The following RNF144A variants were observed in gnomAD, a reference collection of about 807,000 sequenced individuals.
The protein encoded by RNF144A is ring finger protein 144A, also known as E3 ubiquitin-protein ligase RNF144A.
Under a neutral mutation model 38.7 loss-of-function variants are expected in RNF144A, and 11 were observed. That is an observed-to-expected ratio of 0.28 (90% confidence interval 0.18 to 0.47). The LOEUF (loss-of-function observed/expected upper bound fraction) is 0.47. Among genes scored for constraint, RNF144A ranks in the 20% least tolerant of loss-of-function variants. The pLI, the probability that RNF144A is intolerant of heterozygous loss-of-function variation, is 0.99. For missense variants in RNF144A, 316 were observed against 377.2 expected (o/e 0.84, Z 1.34); for synonymous variants, 149 against 143.9 (o/e 1.04, Z -0.25).
chr2:6,938,465 C>T (rs1255473662), intron 1 of RNF144A, among the ~76,000 whole-genome samples: 1 of 152,114 alleles, frequency 6.6e-6, no homozygotes, highest in African/African-American at 2.4e-5. Context: ...CCAGGCTGGT[C>T]TCAAACTCCT....
At chr2:6,988,244 C>T (rs527577895) in intron 2 of RNF144A, among the ~76,000 whole-genome samples, 3 of 152,204 alleles carry the variant, frequency 2.0e-5, no homozygotes, top group Non-Finnish European at 4.4e-5. Flanking sequence ...CTCCTGTTAA[C>T]GTCTTGCGTT....
At chr2:6,997,538 G>A (rs1054295447) in intron 3 of RNF144A, among the ~76,000 whole-genome samples, 24 of 152,168 alleles carry the variant, frequency 1.6e-4, no homozygotes, top group African/African-American at 5.3e-4. Context: ...TTGTTATGAT[G>A]TAGCCAACAT....
At chr2:7,073,010 A>G (rs7577460), downstream of RNF144A, among the ~76,000 whole-genome samples, 36,691 of 151,886 alleles carry the variant, frequency 0.24, 5,323 homozygotes, top group East Asian at 0.48. Flanking sequence ...TGTCCCATAC[A>G]TACCATGAGA....
intron 2 of RNF144A, among the ~76,000 whole-genome samples, chr2:6,967,542 A>T (rs1667747166): frequency 6.6e-6 from 1 of 152,308 alleles, no homozygotes; most frequent in South Asian, 2.1e-4. Context: ...TGGGAGACAG[A>T]GTTGGTAGAT....
intron 3 of RNF144A, 117 bp from the exon 4 acceptor site, chr2:7,014,337 G>A (rs377334130): frequency 2.6e-5 from 20 of 762,684 alleles, no homozygotes; most frequent in East Asian, 4.9e-5. Flanking sequence ...GGACTACACA[G>A]TGAAAATATT....
intron 2 of RNF144A, among the ~76,000 whole-genome samples, chr2:6,956,333 C>T (rs914681119): frequency 6.6e-6 from 1 of 152,092 alleles, no homozygotes; most frequent in African/African-American, 2.4e-5. Flanking sequence ...GTACCCATGG[C>T]GTGTACCTGA....
chr2:6,980,611 G>A (rs1225438566), intron 2 of RNF144A, among the ~76,000 whole-genome samples: 1 of 152,258 alleles, frequency 6.6e-6, no homozygotes, highest in African/African-American at 2.4e-5. Context: ...TGGCTCTGTA[G>A]GGTACAGCCG....
In RNF144A at chr2:7,041,933, A is replaced by G. The variant is rs1220541299; in HGVS notation, c.*2173A>G. The G allele has an allele frequency of 8.1e-6, 8 of 985,272 alleles. No individual in the cohort carries two copies. In the African/African-American group the frequency reaches 1.4e-4, roughly 17 times the overall value. 61.0% of individuals were successfully genotyped at this position (985,272 alleles called of 1,614,324 possible). A position where few individuals can be genotyped will look rare whatever the true frequency, so the allele number is the denominator to read the frequency against. On this transcript the variant is annotated 3_prime_UTR_variant, in exon 9 of 9. Coordinates refer to ENST00000320892, the MANE Select transcript of RNF144A (RefSeq NM_014746.6). ...AAGAGTCTCTGGCCCAGTCATGCAC[A>G]TCTGTAGCCCCAGCCATCCTTGTGC...
chr2:7,029,328 C>A (rs534835807), intron 7 of RNF144A, among the ~76,000 whole-genome samples: 1 of 152,298 alleles, frequency 6.6e-6, no homozygotes, highest in South Asian at 2.1e-4. Context: ...ATTCCCCTCA[C>A]GCCAGTGGGT....
chr2:6,940,956 TA>T lies in RNF144A; in HGVS notation c.-202del, dbSNP rs1665933615. The T allele has an allele frequency of 6.6e-6, 1 of 152,442 alleles. No homozygotes were observed. Among genetic ancestry groups the T allele is most frequent in the Non-Finnish European group, 1.5e-5 (1 of 68,258 alleles). 9.4% of individuals were successfully genotyped at this position (152,442 alleles called of 1,614,324 possible). ...CTTCTCTTGTTTCTTAGGCATCCAG[TA>T]CCCTGCTGACTCTGACATGCCCCCA... On this transcript the variant is annotated 5_prime_UTR_variant, in exon 2 of 9. Transcript: ENST00000320892.
chr2:6,956,658 A>G (rs2103322639), intron 2 of RNF144A, among the ~76,000 whole-genome samples: 1 of 152,234 alleles, frequency 6.6e-6, no homozygotes, highest in East Asian at 1.9e-4. Flanking sequence ...TGTTAATCTC[A>G]GGTCTGATGT....
chr2:6,956,257 G>A (rs574649253), intron 2 of RNF144A, among the ~76,000 whole-genome samples: 194 of 151,778 alleles, frequency 1.3e-3, no homozygotes, highest in Non-Finnish European at 2.5e-3. Context: ...GGGGGGTGGG[G>A]GATAAGGTGC....
intron 2 of RNF144A, among the ~76,000 whole-genome samples, chr2:6,966,169 T>C (rs941203283): frequency 6.6e-6 from 1 of 152,274 alleles, no homozygotes; most frequent in African/African-American, 2.4e-5. Context: ...TTTTAAAATT[T>C]GAGTTATTCT....
chr2:6,958,551 A>G lies in RNF144A; in HGVS notation c.-12+17404A>G, dbSNP rs1310184173. ...GCGCTGGCTCCTTCTGGGAGTTACA[A>G]ATGTTGGGCTGTGACTAGCACCTTG... On this transcript the variant is annotated intron_variant, in intron 2 of 8. Transcript: ENST00000320892. This position sits in a 1 kb window ranked among gnomAD's most constrained non-coding sequence, Gnocchi z 4.5. 6.6e-6 allele frequency among the ~76,000 whole-genome samples: 1 copy of G among 151,916 alleles called. No homozygotes were observed. The highest frequency in any genetic ancestry group is 1.5e-5 in the Non-Finnish European group (1 of 67,980).
chr2:6,999,158 T>C (rs1166683684), intron 3 of RNF144A, among the ~76,000 whole-genome samples: 2 of 152,226 alleles, frequency 1.3e-5, no homozygotes, highest in Admixed American at 6.5e-5. Context: ...AAGAGGCTGC[T>C]GGAAACACCA....
At position 6,952,897 on chromosome 2, in the gene RNF144A, C is replaced by T. The variant is rs1225350363; in HGVS notation, c.-12+11750C>T. 4.6e-5 allele frequency among the ~76,000 whole-genome samples: 7 copies of T among 152,196 alleles called. No individual in the cohort carries two copies. In the East Asian group the frequency reaches 1.3e-3, roughly 29 times the overall value. ...ACAATTGTTCTTTTTTCTTCCTCAA[C>T]CAACCTGCCAGATTGTGCATTTATT... On this transcript the variant is annotated intron_variant, in intron 2 of 8. Transcript: ENST00000320892.
intron 2 of RNF144A, among the ~76,000 whole-genome samples, chr2:6,987,045 G>T (rs1572341935): frequency 6.6e-6 from 1 of 152,172 alleles, no homozygotes; most frequent in East Asian, 1.9e-4. Context: ...CCGGATGGGG[G>T]TCAGAACGCG....
chr2:7,061,404 C>T (rs978049367), intron 6 of RNF144A, among the ~76,000 whole-genome samples: 2 of 152,052 alleles, frequency 1.3e-5, no homozygotes, highest in Non-Finnish European at 2.9e-5. Context: ...TCCTGGAAGA[C>T]TTTTATTATT....
In RNF144A at chr2:7,043,049, G is replaced by C; in HGVS notation, c.*3289G>C. 1 of 507,994 alleles carries C rather than the reference G, an allele frequency of 2.0e-6. No individual in the cohort carries two copies. The highest frequency in any genetic ancestry group is 2.5e-6 in the Non-Finnish European group (1 of 394,040). The allele number at this position is 507,994 out of a possible 1,614,324, so 31.5% of individuals were successfully genotyped here. A position where few individuals can be genotyped will look rare whatever the true frequency, so the allele number is the denominator to read the frequency against. ...CACCCAGCTAATTTTTGTATTTTCA[G>C]TAGAGACGGGGTTTCACCATGTTGG... On this transcript the variant is annotated 3_prime_UTR_variant, in exon 9 of 9. Transcript: ENST00000320892.
Sources: gnomAD v4.1 joint callset for allele counts (sites outside exome capture counted in the v4.1 genomes callset) on GRCh38, gnomAD v4.1.1 for gene constraint, Gnocchi (gnomAD v3.1) non-coding constraint, MANE v1.5 for transcripts, NCBI Gene and HGNC (gene_info 2026-07-23, HGNC 2026-07-21) for gene names.